Variants in ZNF560 observed in about 807,000 individuals in gnomAD.
ZNF560 encodes zinc finger protein 560.
A neutral mutation model predicts 81.8 loss-of-function variants in ZNF560; 54 were observed. The observed-to-expected ratio is 0.66, with a 90% confidence interval of 0.53 to 0.83. The LOEUF (loss-of-function observed/expected upper bound fraction) is 0.83. ZNF560 is among the 40% of genes least tolerant of loss of function. The pLI is 0.00. For synonymous variants in ZNF560, 321 were observed against 317.9 expected (o/e 1.01, Z -0.10); for missense variants, 940 against 932.4 (o/e 1.01, Z -0.11).
Position 9,467,090 on chromosome 19 carries a change from T to C in ZNF560, c.1857A>G (p.Leu619=). The C allele has an allele frequency of 6.2e-7, 1 of 1,614,058 alleles. No individual in the cohort carries two copies. Among genetic ancestry groups the C allele is most frequent in the Non-Finnish European group, 8.5e-7 (1 of 1,180,022 alleles). ...FTERSDLTKH[L]RRHTGDKPYE... is the part of the protein sequence containing the mutation. ...AGGGCTTATCTCCAGTGTGTCTTCG[T>C]AAATGTTTAGTAAGATCTGAGCGTT... Residue 619 remains leucine (L), a synonymous_variant, in exon 10 of 10, where the codon TTA becomes TTG. Transcript: ENST00000301480.
the ZNF560 span, among the ~76,000 whole-genome samples, chr19:9,454,725 G>A: frequency 0.036 from 5,455 of 152,220 alleles, 137 homozygotes; most frequent in Middle Eastern, 0.058. Context: ...GGTAGGCAGC[G>A]CACTGAAAAA....
chr19:9,463,093 C>A (rs1165373719), downstream of ZNF560, among the ~76,000 whole-genome samples: 1 of 152,138 alleles, frequency 6.6e-6, no homozygotes, highest in Non-Finnish European at 1.5e-5. Flanking sequence ...CTAGACAAGA[C>A]ATAAATGACT....
chr19:9,467,029 A>C lies in ZNF560; in HGVS notation c.1918T>G (p.Ser640Ala). The change falls in exon 10 of 10, where the codon TCC becomes GCC. Residue 640 changes from serine to alanine, a missense_variant. Ser to Ala is a moderately conservative substitution (Grantham distance 99, BLOSUM62 1). Transcript: ENST00000301480. ...CTTAAATGATCAACTAGACTGGAGG[A>C]GACAACAAAGGCTTTCCCACAGTCC... is the stretch of plus-strand genomic sequence containing the variant. ...YKDCGKAFVV[S>A]SSLVDHLRTH... is the part of the protein sequence containing the mutation. 4 of 1,613,570 alleles carry C rather than the reference A, an allele frequency of 2.5e-6. No homozygotes were observed. Among genetic ancestry groups the C allele is most frequent in the Non-Finnish European group, 3.4e-6 (4 of 1,179,902 alleles).
At chr19:9,483,737 C>T (rs996816498) in intron 2 of ZNF560, among the ~76,000 whole-genome samples, 1 of 151,968 alleles carries the variant, frequency 6.6e-6, no homozygotes, top group African/African-American at 2.4e-5. Context: ...TGCCCGGCTG[C>T]CCCTTCTGGG....
At chr19:9,482,453 AGAAGGAAG>A (rs550271982) in intron 2 of ZNF560, among the ~76,000 whole-genome samples, 252 of 148,620 alleles carry the variant, frequency 1.7e-3, no homozygotes, top group Non-Finnish European at 2.6e-3. Context: ...GGGAAGGGGG[AGAAGGAAG>A]GAAGGAAGGA....
chr19:9,456,071 G>A, the ZNF560 span, among the ~76,000 whole-genome samples: 2 of 152,200 alleles, frequency 1.3e-5, no homozygotes, highest in Admixed American at 6.5e-5. Flanking sequence ...TTCGAGAAAC[G>A]CCATGAGGGG....
intron 2 of ZNF560, among the ~76,000 whole-genome samples, chr19:9,494,751 CAA>C (rs2073529565): frequency 6.6e-6 from 1 of 151,582 alleles, no homozygotes; most frequent in South Asian, 2.1e-4. Flanking sequence ...CAAAACAAAA[CAA>C]AAAATTAGCC....
At position 9,474,304 on chromosome 19, in the gene ZNF560, T is replaced by C. The variant is rs779377630; in HGVS notation, c.52A>G (p.Thr18Ala). 1.9e-6 allele frequency: 3 copies of C among 1,613,754 alleles called. No individual in the cohort carries two copies. The African/African-American group carries it at 4.0e-5, about 22-fold the overall frequency. The change falls in exon 4 of 10, where the codon ACA (threonine) becomes GCA (alanine). Residue 18 changes from threonine to alanine, a missense_variant. Thr to Ala is a moderately conservative substitution (Grantham distance 58). Transcript: ENST00000301480. ...TCCTCCTGGGTGAAGTCCACAGCTG[T>C]ATCCTCAAAGGTCACGGAGTACTAA... Reference protein sequence around the residue: ...CYQYSVTFEDTAVDFTQEEWI... With the variant: ...CYQYSVTFEDAAVDFTQEEWI...
the ZNF560 span, among the ~76,000 whole-genome samples, chr19:9,449,255 C>G: frequency 6.6e-6 from 1 of 152,196 alleles, no homozygotes; most frequent in Non-Finnish European, 1.5e-5. Flanking sequence ...TAAAGCAAGT[C>G]TCAATAAATT....
intron 2 of ZNF560, among the ~76,000 whole-genome samples, chr19:9,495,140 CA>C (rs895899868): frequency 6.7e-5 from 10 of 149,138 alleles, no homozygotes; most frequent in East Asian, 2.0e-4. Flanking sequence ...ACTCTATCAC[CA>C]AAAAAAAATA....
Position 9,467,681 on chromosome 19 carries a change from A to G in ZNF560, c.1266T>C (p.His422=), listed in dbSNP as rs955546280. 18 of 1,613,768 alleles carry G rather than the reference A, an allele frequency of 1.1e-5. No homozygotes were observed. The Admixed American group carries it at 1.2e-4, about 10-fold the overall frequency. ...TTTTCTCTCTGGCGTGACATCTTAT[A>G]TGTTCAATAAGGCCTGCAGATGTAC... ...AFGTSAGLIE[H]IRCHAREKTF... The change falls in exon 10 of 10, where the codon CAT becomes CAC. Residue 422 remains histidine, a synonymous_variant. Transcript: ENST00000301480.
intron 2 of ZNF560, among the ~76,000 whole-genome samples, chr19:9,481,441 C>G (rs1199395450): frequency 2.0e-5 from 3 of 152,144 alleles, no homozygotes; most frequent in Non-Finnish European, 4.4e-5. Context: ...TTAAACTAAA[C>G]AGCTTCTGCA....
intron 2 of ZNF560, among the ~76,000 whole-genome samples, chr19:9,491,234 T>C (rs894820718): frequency 6.6e-6 from 1 of 152,096 alleles, no homozygotes; most frequent in Non-Finnish European, 1.5e-5. Context: ...CACCTCAGCC[T>C]CCCAAGCATC....
At chr19:9,489,471 T>C (rs2073436924) in intron 2 of ZNF560, among the ~76,000 whole-genome samples, 1 of 151,902 alleles carries the variant, frequency 6.6e-6, no homozygotes, top group South Asian at 2.1e-4. Flanking sequence ...TGCTCCTCAC[T>C]TTCCAGACAG....
chr19:9,473,711 A>G (rs908473121), intron 4 of ZNF560, among the ~76,000 whole-genome samples: 1 of 147,658 alleles, frequency 6.8e-6, no homozygotes, highest in African/African-American at 2.6e-5. Context: ...ATTTCTGTGC[A>G]CCCCAAAATT....
At chr19:9,487,908 A>G (rs2073410863) in intron 2 of ZNF560, among the ~76,000 whole-genome samples, 2 of 152,312 alleles carry the variant, frequency 1.3e-5, no homozygotes, top group South Asian at 4.2e-4. Flanking sequence ...CCTGGAACGA[A>G]GACATCTGGT....
chr19:9,468,253 TGG>T lies in ZNF560; in HGVS notation c.692_693del (p.Thr231LysfsTer7), dbSNP rs2073065030. The T allele has an allele frequency of 6.2e-7, 1 of 1,614,000 alleles. No homozygotes were observed. Among genetic ancestry groups the T allele is most frequent in the African/African-American group, 1.3e-5 (1 of 74,940 alleles). On this transcript the variant is annotated frameshift_variant, in exon 10 of 10. Transcript: ENST00000301480. LOFTEE classifies it high-confidence loss of function. ...DVFCKHPCLK[T>X]NMSTQNRGNT... ...TTGCCTCTATTTTGAGTACTCATGT[TGG>T]TCTTAAGGCATGGATGTTTACAGAA...
the ZNF560 span, among the ~76,000 whole-genome samples, chr19:9,459,460 C>T: frequency 6.6e-6 from 1 of 152,076 alleles, no homozygotes; most frequent in Non-Finnish European, 1.5e-5. Flanking sequence ...AATTTGGGTG[C>T]CATTGAGACA....
chr19:9,472,565 C>T (rs1283871113), intron 5 of ZNF560, among the ~76,000 whole-genome samples: 1 of 152,140 alleles, frequency 6.6e-6, no homozygotes, highest in Non-Finnish European at 1.5e-5. Context: ...GAATCTAATG[C>T]CTGATGATCT....
Sources: gnomAD v4.1 joint callset for allele counts (sites outside exome capture counted in the v4.1 genomes callset) on GRCh38, gnomAD v4.1.1 for gene constraint, MANE v1.5 for transcripts, NCBI Gene and HGNC (gene_info 2026-07-23, HGNC 2026-07-21) for gene names.